CTNNBL1: variants seen among roughly 807,000 people sequenced by gnomAD.
CTNNBL1 encodes catenin beta like 1.
CTNNBL1 carries 31 observed loss-of-function variants against 72.7 expected under a neutral mutation model. The observed-to-expected ratio is 0.43, with a 90% confidence interval of 0.32 to 0.58. The LOEUF is 0.58. Among genes scored for constraint, CTNNBL1 ranks in the 20% least tolerant of loss-of-function variants. The probability of loss-of-function intolerance (pLI) is 0.08; values close to 1 mark genes in which losing one functional copy is unlikely to be tolerated. For missense variants in CTNNBL1, 534 were observed against 725.1 expected, an observed-to-expected ratio of 0.74 and a Z score of 3.03; for synonymous variants, 240 against 267.3, an observed-to-expected ratio of 0.90 and a Z score of 1.00.
chr20:37,796,893 CAT>C (rs1390589157), intron 10 of CTNNBL1, among the ~76,000 whole-genome samples: 3 of 152,158 alleles, frequency 2.0e-5, no homozygotes, highest in Admixed American at 6.5e-5. Context: ...CTGAAGTGCA[CAT>C]GTTACTTACA....
At chr20:37,795,862 T>A (rs2073769107) in intron 10 of CTNNBL1, among the ~76,000 whole-genome samples, 1 of 152,142 alleles carries the variant, frequency 6.6e-6, no homozygotes, top group Non-Finnish European at 1.5e-5. Context: ...TAATTTTTTA[T>A]GGAAATTCAA....
intron 13 of CTNNBL1, among the ~76,000 whole-genome samples, chr20:37,852,092 C>T (rs1425398836): frequency 6.6e-6 from 1 of 152,220 alleles, no homozygotes; most frequent in Non-Finnish European, 1.5e-5. Flanking sequence ...GTCATTGCTT[C>T]ACAAAGAAGG....
At chr20:37,842,949 T>G (rs1038666241) in intron 13 of CTNNBL1, among the ~76,000 whole-genome samples, 2 of 152,192 alleles carry the variant, frequency 1.3e-5, no homozygotes, top group African/African-American at 4.8e-5. Context: ...GGGCTGACCC[T>G]TGTTTTCTCA....
chr20:37,697,118 G>T (rs1026449301), intron 1 of CTNNBL1, among the ~76,000 whole-genome samples: 3 of 152,044 alleles, frequency 2.0e-5, no homozygotes, highest in Non-Finnish European at 4.4e-5. Flanking sequence ...GGGAGGTAGA[G>T]GTTGCAGTGA....
chr20:37,831,252 C>G (rs537255481), intron 11 of CTNNBL1, among the ~76,000 whole-genome samples: 150 of 152,368 alleles, frequency 9.8e-4, no homozygotes, highest in African/African-American at 3.4e-3. Context: ...AGGCCCTCCT[C>G]TTTCCTACCC....
intron 2 of CTNNBL1, among the ~76,000 whole-genome samples, chr20:37,736,785 G>C (rs116188775): frequency 2.0e-4 from 31 of 152,166 alleles, no homozygotes; most frequent in African/African-American, 7.5e-4. Flanking sequence ...GACTCCTGAA[G>C]TGCTGAAGTG....
intron 10 of CTNNBL1, among the ~76,000 whole-genome samples, chr20:37,783,488 T>C (rs1450180900): frequency 6.6e-6 from 1 of 152,166 alleles, no homozygotes; most frequent in Non-Finnish European, 1.5e-5. Context: ...TTTTTTGTTG[T>C]AGGTGCTTAT....
intron 1 of CTNNBL1, among the ~76,000 whole-genome samples, chr20:37,731,135 A>T (rs914452155): frequency 3.3e-5 from 5 of 152,178 alleles, no homozygotes; most frequent in Non-Finnish European, 5.9e-5. Flanking sequence ...GAAAATATTT[A>T]AAATCGTTTT....
At chr20:37,866,552 T>C (rs1178773547) in intron 15 of CTNNBL1, among the ~76,000 whole-genome samples, 1 of 152,214 alleles carries the variant, frequency 6.6e-6, no homozygotes, top group Non-Finnish European at 1.5e-5. Flanking sequence ...GGCTGGCACC[T>C]AGAAGAAAGT....
At chr20:37,828,927 G>A (rs1315603716) in intron 11 of CTNNBL1, among the ~76,000 whole-genome samples, 1 of 152,208 alleles carries the variant, frequency 6.6e-6, no homozygotes, top group Non-Finnish European at 1.5e-5. Flanking sequence ...GCAGAGGAGT[G>A]TAATGTTATG....
At position 37,802,947 on chromosome 20, in the gene CTNNBL1, A is replaced by G. The variant is rs1974264850; in HGVS notation, c.1112A>G (p.His371Arg). ...MIGPEGTDNC[H>R]KFVDILGLRT... ...GGCCCCGAAGGCACAGACAACTGCC[A>G]TAAGTTTGTTGACATTCTTGGCTTA... is the stretch of plus-strand genomic sequence containing the variant. The change falls in exon 11 of 16, where the codon CAT becomes CGT. Residue 371 changes from histidine to arginine, a missense_variant. By Grantham distance (29) the His-to-Arg change is conservative. Transcript: ENST00000361383. The G allele has an allele frequency of 2.5e-6, 4 of 1,614,142 alleles. No individual in the cohort carries two copies. The highest frequency in any genetic ancestry group is 1.7e-6 in the Non-Finnish European group (2 of 1,179,990).
intron 10 of CTNNBL1, among the ~76,000 whole-genome samples, chr20:37,789,721 T>C (rs1324171635): frequency 6.6e-6 from 1 of 152,244 alleles, no homozygotes; most frequent in Non-Finnish European, 1.5e-5. Context: ...CATTTGCTTC[T>C]TGCCACCACA....
chr20:37,853,985 T>C (rs958969023), intron 13 of CTNNBL1, among the ~76,000 whole-genome samples: 4 of 152,262 alleles, frequency 2.6e-5, no homozygotes, highest in African/African-American at 4.8e-5. Context: ...CTCTGTTTCA[T>C]CTCTGTGCAT....
intron 13 of CTNNBL1, among the ~76,000 whole-genome samples, chr20:37,853,658 G>A (rs143968271): frequency 4.6e-4 from 70 of 152,350 alleles, no homozygotes; most frequent in South Asian, 1.0e-3. Context: ...TGTCTGTATG[G>A]AGTAAGATGG....
chr20:37,816,774 G>A (rs2072063223), intron 11 of CTNNBL1, among the ~76,000 whole-genome samples: 1 of 150,380 alleles, frequency 6.6e-6, no homozygotes, highest in Admixed American at 6.6e-5. Context: ...CATTAAGCAT[G>A]TCATTTTGAT....
chr20:37,745,818 G>A (rs115495626), intron 3 of CTNNBL1, among the ~76,000 whole-genome samples: 1,532 of 152,306 alleles, frequency 0.01, 27 homozygotes, highest in African/African-American at 0.035. Flanking sequence ...GGCATGCAGC[G>A]TGAATGCAAA....
At chr20:37,726,868 A>G (rs892316644) in intron 1 of CTNNBL1, among the ~76,000 whole-genome samples, 1 of 152,182 alleles carries the variant, frequency 6.6e-6, no homozygotes, top group African/African-American at 2.4e-5. Flanking sequence ...TCACATTAAT[A>G]CTTGCATTAT....
At chr20:37,770,958 A>C (rs1370240989) in intron 7 of CTNNBL1, among the ~76,000 whole-genome samples, 1 of 152,116 alleles carries the variant, frequency 6.6e-6, no homozygotes, top group Non-Finnish European at 1.5e-5. Context: ...TAATCTGGGG[A>C]ATGTTATAAT....
At chr20:37,833,942 C>T (rs533230039) in intron 11 of CTNNBL1, among the ~76,000 whole-genome samples, 11 of 152,220 alleles carry the variant, frequency 7.2e-5, no homozygotes, top group Admixed American at 4.6e-4. Flanking sequence ...CCTATCTGGC[C>T]GGCACCAGTA....
Sources: gnomAD v4.1 joint callset for allele counts (sites outside exome capture counted in the v4.1 genomes callset) on GRCh38, gnomAD v4.1.1 for gene constraint, MANE v1.5 for transcripts, NCBI Gene and HGNC (gene_info 2026-07-23, HGNC 2026-07-21) for gene names.